The following EEIG2 variants were observed in gnomAD, a reference collection of about 807,000 sequenced individuals.
EEIG2 encodes the protein EEIG family member 2.
At chr1:108,624,828 G>T in the EEIG2 span, 6 of 1,128,534 alleles carry the variant, frequency 5.3e-6, no homozygotes, top group Non-Finnish European at 6.6e-6. Context: ...AATTGTGTGG[G>T]TATTTGACTT....
At chr1:108,618,659 G>A in the EEIG2 span, among the ~76,000 whole-genome samples, 3 of 151,946 alleles carry the variant, frequency 2.0e-5, no homozygotes, top group South Asian at 2.1e-4. Flanking sequence ...TTGGGAGGCC[G>A]AGGCAGGAGG....
the EEIG2 span, among the ~76,000 whole-genome samples, chr1:108,593,198 A>G: frequency 6.6e-5 from 10 of 152,218 alleles, no homozygotes; most frequent in African/African-American, 2.2e-4. Context: ...AGGAGTTTGG[A>G]GGGAGAAAGT....
At chr1:108,575,959 G>T in the EEIG2 span, among the ~76,000 whole-genome samples, 2 of 152,148 alleles carry the variant, frequency 1.3e-5, no homozygotes, top group East Asian at 1.9e-4. Context: ...ATATGTGAAT[G>T]ATATGATATG....
At chr1:108,603,893 A>G in the EEIG2 span, among the ~76,000 whole-genome samples, 11 of 152,264 alleles carry the variant, frequency 7.2e-5, no homozygotes, top group Admixed American at 7.2e-4. Flanking sequence ...ATAACTGAAG[A>G]GAGCATTGGT....
At chr1:108,616,513 A>T in the EEIG2 span, 1 of 892,282 alleles carries the variant, frequency 1.1e-6, no homozygotes, top group East Asian at 2.7e-5. Context: ...AATATTTTGT[A>T]GTGCTTATAA....
chr1:108,611,075 C>T, the EEIG2 span, among the ~76,000 whole-genome samples: 1 of 152,180 alleles, frequency 6.6e-6, no homozygotes, highest in Non-Finnish European at 1.5e-5. Flanking sequence ...TCTCTGGGTT[C>T]TTATTCTTAC....
At chr1:108,622,771 G>A in the EEIG2 span, among the ~76,000 whole-genome samples, 1 of 152,182 alleles carries the variant, frequency 6.6e-6, no homozygotes, top group East Asian at 1.9e-4. Flanking sequence ...CTATCCCCAA[G>A]AATCCGAGTA....
the EEIG2 span, among the ~76,000 whole-genome samples, chr1:108,601,508 A>G: frequency 6.6e-6 from 1 of 151,198 alleles, no homozygotes. Context: ...TAAGTATTAT[A>G]TAAAAGAAGC....
the EEIG2 span, among the ~76,000 whole-genome samples, chr1:108,599,821 GTC>G: frequency 6.6e-6 from 1 of 152,170 alleles, no homozygotes; most frequent in South Asian, 2.1e-4. Flanking sequence ...GCCAAACCCT[GTC>G]TCTTAAAAAC....
chr1:108,583,258 G>A, the EEIG2 span, among the ~76,000 whole-genome samples: 2 of 151,854 alleles, frequency 1.3e-5, no homozygotes, highest in East Asian at 3.9e-4. Context: ...CCTGGGCTTA[G>A]GTGATCCTCC....
At chr1:108,636,387 T>C in the EEIG2 span, 16 of 152,302 alleles carry the variant, frequency 1.1e-4, no homozygotes, top group Non-Finnish European at 1.9e-4. Flanking sequence ...ATTCCCCAAT[T>C]CTTACTTTCA....
the EEIG2 span, among the ~76,000 whole-genome samples, chr1:108,623,519 G>T: frequency 6.6e-6 from 1 of 151,938 alleles, no homozygotes; most frequent in Non-Finnish European, 1.5e-5. Flanking sequence ...AAAAATAAAA[G>T]AGTATAATTG....
the EEIG2 span, among the ~76,000 whole-genome samples, chr1:108,581,294 C>T: frequency 6.6e-6 from 1 of 152,130 alleles, no homozygotes; most frequent in African/African-American, 2.4e-5. Context: ...TGAACATGTA[C>T]AAGATAAATA....
At chr1:108,568,318 A>G in the EEIG2 span, among the ~76,000 whole-genome samples, 2 of 152,166 alleles carry the variant, frequency 1.3e-5, no homozygotes, top group South Asian at 2.1e-4. Flanking sequence ...ATCATGTTTT[A>G]TCTACACAGC....
chr1:108,598,572 A>G, the EEIG2 span, among the ~76,000 whole-genome samples: 1 of 151,994 alleles, frequency 6.6e-6, no homozygotes. Context: ...ATTTCAAGGG[A>G]GACTCCACTG....
chr1:108,604,776 C>A, the EEIG2 span, among the ~76,000 whole-genome samples: 1 of 151,140 alleles, frequency 6.6e-6, no homozygotes, highest in Non-Finnish European at 1.5e-5. Flanking sequence ...CACCTGTAAT[C>A]CCAGCAATTT....
chr1:108,565,765 T>A, the EEIG2 span, among the ~76,000 whole-genome samples: 1 of 152,234 alleles, frequency 6.6e-6, no homozygotes, highest in Non-Finnish European at 1.5e-5. Context: ...AAAGGATTTC[T>A]TTCTTTTGGC....
the EEIG2 span, chr1:108,631,205 C>T: frequency 1.2e-5 from 4 of 326,104 alleles, no homozygotes; most frequent in Non-Finnish European, 2.5e-5. Flanking sequence ...AGACCCAGCT[C>T]TTACCCTCTG....
chr1:108,638,995 T>C, the EEIG2 span: 245 of 152,354 alleles, frequency 1.6e-3, 1 homozygote, highest in African/African-American at 5.6e-3. Flanking sequence ...ATCTTACTGA[T>C]ATGCGTTGAC....
Sources: gnomAD v4.1 joint callset for allele counts (sites outside exome capture counted in the v4.1 genomes callset) on GRCh38, gnomAD v4.1.1 for gene constraint, MANE v1.5 for transcripts, NCBI Gene and HGNC (gene_info 2026-07-23, HGNC 2026-07-21) for gene names.